The following SLC25A26 variants were observed in gnomAD, a reference collection of about 807,000 sequenced individuals.
SLC25A26 encodes solute carrier family 25 member 26.
In SLC25A26, 36 loss-of-function variants were observed where a neutral mutation model predicts 37.8. That is an observed-to-expected ratio of 0.95 (90% CI 0.73 to 1.26). SLC25A26 has a LOEUF of 1.26. Ranked by LOEUF, SLC25A26 falls within the 50% of genes most tolerant of loss-of-function variation. The probability of loss-of-function intolerance (pLI) is 0.00; values close to 1 mark genes in which losing one functional copy is unlikely to be tolerated. For synonymous variants in SLC25A26, 129 were observed against 122.5 expected (o/e 1.05, Z -0.35); for missense variants, 390 against 331.1 (o/e 1.18, Z -1.38).
At chr3:66,267,364 G>T (rs545173809) in intron 5 of SLC25A26, among the ~76,000 whole-genome samples, 1 of 152,324 alleles carries the variant, frequency 6.6e-6, no homozygotes, top group South Asian at 2.1e-4. Context: ...GACCATAGAA[G>T]AGAGTGCAAG....
At position 66,194,724 on chromosome 3, in the gene SLC25A26, C is replaced by T. The variant is rs1198912065; in HGVS notation, c.-353-26018C>T. On this transcript the variant is annotated intron_variant, in intron 1 of 10. Coordinates refer to the SLC25A26 transcript ENST00000676754. Reference sequence around the variant, plus strand: ...TCAAGTGATTCTCCTGAGTCAGCCTCCCGCATAGCTGGGATTACAGGCATG... The same window carrying T: ...TCAAGTGATTCTCCTGAGTCAGCCTTCCGCATAGCTGGGATTACAGGCATG... Among the ~76,000 whole-genome samples, 5 of 152,340 alleles carry T rather than the reference C, an allele frequency of 3.3e-5. No individual in the cohort carries two copies. The East Asian group carries it at 7.7e-4, about 24-fold the overall frequency.
chr3:66,276,810 GA>G (rs2074165069), intron 5 of SLC25A26, among the ~76,000 whole-genome samples: 1 of 149,056 alleles, frequency 6.7e-6, no homozygotes, highest in African/African-American at 2.5e-5. Context: ...TTCCCTTTTT[GA>G]ATATACTCTG....
At chr3:66,156,926 G>A (rs1349982266) in intron 1 of SLC25A26, among the ~76,000 whole-genome samples, 1 of 152,000 alleles carries the variant, frequency 6.6e-6, no homozygotes, top group African/African-American at 2.4e-5. Flanking sequence ...GGGCAGTTCC[G>A]TCACCATCCT....
intron 6 of SLC25A26, among the ~76,000 whole-genome samples, chr3:66,357,549 T>A (rs1000966468): frequency 6.6e-6 from 1 of 152,126 alleles, no homozygotes; most frequent in African/African-American, 2.4e-5. Flanking sequence ...CCTCCGTGAG[T>A]TGAGACTCCA....
At chr3:66,199,346 C>A (rs1179084076) in intron 1 of SLC25A26, among the ~76,000 whole-genome samples, 2 of 151,936 alleles carry the variant, frequency 1.3e-5, no homozygotes, top group African/African-American at 4.8e-5. Context: ...GACTTGGACT[C>A]TCACCCCTAC....
intron 5 of SLC25A26, among the ~76,000 whole-genome samples, chr3:66,332,229 C>T (rs1242315250): frequency 6.6e-6 from 1 of 152,164 alleles, no homozygotes; most frequent in Admixed American, 6.5e-5. Flanking sequence ...TGAGCCACCA[C>T]AGCCTGCCTC....
chr3:66,260,156 C>A (rs2073467437), intron 3 of SLC25A26, among the ~76,000 whole-genome samples: 1 of 152,118 alleles, frequency 6.6e-6, no homozygotes, highest in Non-Finnish European at 1.5e-5. Flanking sequence ...GGACTAAATA[C>A]CCCTCCTCCA....
At chr3:66,325,681 G>T (rs1257816988) in intron 5 of SLC25A26, among the ~76,000 whole-genome samples, 1 of 152,162 alleles carries the variant, frequency 6.6e-6, no homozygotes, top group Non-Finnish European at 1.5e-5. Context: ...TCATATGTAA[G>T]AAGGCCCCGG....
At chr3:66,139,767 A>T (rs1213216770) in intron 1 of SLC25A26, among the ~76,000 whole-genome samples, 1 of 152,180 alleles carries the variant, frequency 6.6e-6, no homozygotes, top group Admixed American at 6.5e-5. Flanking sequence ...ACTCTACTTG[A>T]GTTACTTCTT....
At chr3:66,162,715 A>G (rs939402554) in intron 1 of SLC25A26, among the ~76,000 whole-genome samples, 1 of 152,230 alleles carries the variant, frequency 6.6e-6, no homozygotes, top group Non-Finnish European at 1.5e-5. Context: ...GGGCGCATGA[A>G]TGCTTAGCAT....
intron 5 of SLC25A26, among the ~76,000 whole-genome samples, chr3:66,334,747 G>A (rs2076056770): frequency 6.6e-6 from 1 of 151,974 alleles, no homozygotes; most frequent in Admixed American, 6.6e-5. Context: ...GACCCTCAGG[G>A]CAAAAGCCAC....
chr3:66,359,036 A>G (rs975240675), intron 6 of SLC25A26, among the ~76,000 whole-genome samples: 1 of 152,168 alleles, frequency 6.6e-6, no homozygotes, highest in African/African-American at 2.4e-5. Flanking sequence ...TAAGATATTT[A>G]TTAGTATCCA....
At chr3:66,244,648 A>G (rs1241378855) in intron 3 of SLC25A26, among the ~76,000 whole-genome samples, 1 of 152,188 alleles carries the variant, frequency 6.6e-6, no homozygotes, top group South Asian at 2.1e-4. Flanking sequence ...GTGACAAAAA[A>G]TAGGCAGTCT....
intron 5 of SLC25A26, among the ~76,000 whole-genome samples, chr3:66,318,640 TTTTA>T (rs911947425): frequency 1.4e-4 from 21 of 151,374 alleles, no homozygotes; most frequent in African/African-American, 4.6e-4. Context: ...TGCACCTGAC[TTTTA>T]TTTATTAAAA....
At chr3:66,322,463 A>G (rs1251439202) in intron 5 of SLC25A26, among the ~76,000 whole-genome samples, 1 of 152,232 alleles carries the variant, frequency 6.6e-6, no homozygotes, top group African/African-American at 2.4e-5. Flanking sequence ...TCTTATTAAG[A>G]CAAACCTCTT....
intron 1 of SLC25A26, among the ~76,000 whole-genome samples, chr3:66,227,148 A>G (rs939716199): frequency 6.6e-6 from 1 of 152,180 alleles, no homozygotes; most frequent in African/African-American, 2.4e-5. Flanking sequence ...AGACTTGCTG[A>G]CATAACTTAG....
chr3:66,308,579 C>A (rs931498692), intron 5 of SLC25A26, among the ~76,000 whole-genome samples: 1 of 152,148 alleles, frequency 6.6e-6, no homozygotes, highest in Non-Finnish European at 1.5e-5. Context: ...TCTGCTGTGC[C>A]GGTTTTCAAA....
In SLC25A26 at chr3:66,286,846, A is replaced by G. The variant is rs546445367; in HGVS notation, c.453+23467A>G. ...CCCTGCTAATTTTTGTATTTTTAAT[A>G]GAGGCGGGGTCTCACCATGTTGGCC... On this transcript the variant is annotated intron_variant, in intron 5 of 9. Coordinates refer to ENST00000354883, the MANE Select transcript of SLC25A26 (RefSeq NM_001379210.1). 1.3e-3 allele frequency among the ~76,000 whole-genome samples: 199 copies of G among 152,164 alleles called. 1 individual carries two copies. Among genetic ancestry groups the G allele is most frequent in the Non-Finnish European group, 2.4e-3 (163 of 67,992 alleles).
At chr3:66,345,263 T>G (rs1174649012) in intron 5 of SLC25A26, among the ~76,000 whole-genome samples, 1 of 152,184 alleles carries the variant, frequency 6.6e-6, no homozygotes, top group Non-Finnish European at 1.5e-5. Flanking sequence ...TAGCATTGAC[T>G]GATTTGGTGA....
Sources: allele counts gnomAD v4.1 joint callset (sites outside exome capture counted in the v4.1 genomes callset), GRCh38; gene constraint gnomAD v4.1.1; transcripts MANE v1.5; gene names NCBI Gene and HGNC (gene_info 2026-07-23, HGNC 2026-07-21).